The following SLC2A1 variants were observed in gnomAD, a reference collection of about 807,000 sequenced individuals.
The protein encoded by SLC2A1 is solute carrier family 2 member 1, also known as solute carrier family 2, facilitated glucose transporter member 1.
Under a neutral mutation model 46.6 loss-of-function variants are expected in SLC2A1, and 4 were observed. That is an observed-to-expected ratio of 0.09 (90% confidence interval 0.04 to 0.20). The LOEUF (loss-of-function observed/expected upper bound fraction) is 0.20, where lower values mean the gene tolerates loss of function less well. Among genes scored for constraint, SLC2A1 ranks in the 10% least tolerant of loss-of-function variants. The pLI is 1.00. For missense variants in SLC2A1, 352 were observed against 667.0 expected, an observed-to-expected ratio of 0.53 and a Z score of 5.20; for synonymous variants, 253 against 270.0, an observed-to-expected ratio of 0.94 and a Z score of 0.62.
chr1:42,930,967 A>G lies in SLC2A1; in HGVS notation c.275+79T>C. 2.3e-5 allele frequency: 37 copies of G among 1,607,164 alleles called. No individual in the cohort carries two copies. The highest frequency in any genetic ancestry group is 3.1e-5 in the Non-Finnish European group (37 of 1,176,990). ...TGGAACAGGCAGATAAGTCTCCCCT[A>G]CCTCCCACCCCATCTGGGACTCCCT... On this transcript the variant is annotated intron_variant, in intron 3 of 9. Transcript: ENST00000426263. The surrounding 1 kb of genome is among the most constrained non-coding windows in gnomAD (Gnocchi z 6.2).
chr1:42,927,144 G>A lies in SLC2A1; in HGVS notation c.1376C>T (p.Thr459Ile). Residue 459 changes from threonine to isoleucine, a missense_variant, in exon 10 of 10, where the codon ACC (threonine) becomes ATC (isoleucine). Thr to Ile is a moderately conservative substitution (Grantham distance 89, BLOSUM62 -1). Around this residue, in one of 5 missense-constraint regions of SLC2A1, gnomAD observed 41 missense variants for 49.1 expected, o/e 0.83. Transcript: ENST00000426263. The surrounding 1 kb of genome is among the most constrained non-coding windows in gnomAD (Gnocchi z 5.3). ...YFKVPETKGR[T>I]FDEIASGFRQ... ...GAAGCCGGAAGCGATCTCATCGAAGGTCCGGCCTTTAGTCTCAGGAACTTT... is the reference window on the plus strand; with the variant it reads ...GAAGCCGGAAGCGATCTCATCGAAGATCCGGCCTTTAGTCTCAGGAACTTT... The A allele has an allele frequency of 6.2e-7, 1 of 1,614,178 alleles. No homozygotes were observed. Among genetic ancestry groups the A allele is most frequent in the Non-Finnish European group, 8.5e-7 (1 of 1,180,040 alleles).
intron 2 of SLC2A1, among the ~76,000 whole-genome samples, chr1:42,934,243 C>G (rs1643520617): frequency 6.6e-6 from 1 of 152,188 alleles, no homozygotes. Flanking sequence ...TTGTCCAGGG[C>G]TGGCTCCTGG....
At position 42,930,182 on chromosome 1, in the gene SLC2A1, TTC is replaced by T; in HGVS notation, c.517-149_517-148del. 1 of 881,484 alleles carries T rather than the reference TTC, an allele frequency of 1.1e-6. No individual in the cohort carries two copies. Among genetic ancestry groups the T allele is most frequent in the Non-Finnish European group, 1.8e-6 (1 of 550,986 alleles). The allele number at this position is 881,484 out of a possible 1,614,324, so 54.6% of individuals were successfully genotyped here. A position where few individuals can be genotyped will look rare whatever the true frequency, so the allele number is the denominator to read the frequency against. On this transcript the variant is annotated intron_variant, in intron 4 of 9. Transcript: ENST00000426263. This position sits in a 1 kb window ranked among gnomAD's most constrained non-coding sequence, Gnocchi z 6.2. ...GCTCTGCCACTAGCATGAGCCCTGT[TTC>T]TCAGTTTCCTCATCGGTCACATGGG...
At chr1:42,934,401 T>A (rs924440523) in intron 2 of SLC2A1, among the ~76,000 whole-genome samples, 13 of 152,136 alleles carry the variant, frequency 8.5e-5, no homozygotes, top group Non-Finnish European at 1.0e-4. Context: ...GGGGAGTGGG[T>A]TTCTGCCTCT....
intron 1 of SLC2A1, among the ~76,000 whole-genome samples, chr1:42,948,474 G>A (rs1180031718): frequency 1.3e-5 from 2 of 152,192 alleles, no homozygotes; most frequent in Non-Finnish European, 2.9e-5. Flanking sequence ...TCCCACATGG[G>A]TTCCCCAGGT....
rs147319894 is a variant in SLC2A1 at position 42,931,063 on chromosome 1, G to A, written c.258C>T (p.Phe86=). 193 of 1,614,012 alleles carry A rather than the reference G, an allele frequency of 1.2e-4. No homozygotes were observed. Among genetic ancestry groups the A allele is most frequent in the South Asian group, 2.5e-4 (23 of 91,084 alleles). ...CTACTTACCGGCCAAAGCGGTTAAC[G>A]AAAAGGCCCACAGAGAAGGAGCCAA... is the stretch of plus-strand genomic sequence containing the variant. ...GMIGSFSVGL[F]VNRFGRRNSM... Residue 86 remains phenylalanine (F), a synonymous_variant, in exon 3 of 10, where the codon TTC becomes TTT. Transcript: ENST00000426263.
intron 1 of SLC2A1, among the ~76,000 whole-genome samples, chr1:42,955,444 A>T (rs1270893003): frequency 2.0e-5 from 3 of 152,182 alleles, no homozygotes; most frequent in African/African-American, 7.2e-5. Context: ...CCCTGTCTCT[A>T]CCAAAAATAC....
chr1:42,927,287 C>T lies in SLC2A1; in HGVS notation c.1279-46G>A. 5.1e-6 allele frequency: 8 copies of T among 1,575,944 alleles called. No homozygotes were observed. Among genetic ancestry groups the T allele is most frequent in the Non-Finnish European group, 7.0e-6 (8 of 1,146,424 alleles). On this transcript the variant is annotated intron_variant, in intron 9 of 9. Transcript: ENST00000426263. This position sits in a 1 kb window ranked among gnomAD's most constrained non-coding sequence, Gnocchi z 5.3. ...CTTGGTTGGAGTCATGACCCTACAT[C>T]CTGGCTGTAGGACTTTGGATAAGTC... is the stretch of plus-strand genomic sequence containing the variant.
chr1:42,938,441 G>C (rs1056949245), intron 2 of SLC2A1, among the ~76,000 whole-genome samples: 1 of 152,206 alleles, frequency 6.6e-6, no homozygotes, highest in Non-Finnish European at 1.5e-5. Flanking sequence ...TAGAGTTGCT[G>C]TGAGGTGGTA....
chr1:42,957,038 T>C lies in SLC2A1; in HGVS notation c.18+1596A>G, dbSNP rs1040405818. 2.0e-5 allele frequency among the ~76,000 whole-genome samples: 3 copies of C among 152,320 alleles called. No homozygotes were observed. The East Asian group carries it at 5.8e-4, about 29-fold the overall frequency. On this transcript the variant is annotated intron_variant, in intron 1 of 9. Transcript: ENST00000426263. ...TCTGTCTCCACGTAGTATTCCCTTATCCACTCAACAAATAAATACCCATGT... is the reference window on the plus strand; with the variant it reads ...TCTGTCTCCACGTAGTATTCCCTTACCCACTCAACAAATAAATACCCATGT...
chr1:42,957,297 C>A (rs534201815), intron 1 of SLC2A1, among the ~76,000 whole-genome samples: 93 of 152,332 alleles, frequency 6.1e-4, no homozygotes, highest in Admixed American at 1.0e-3. Flanking sequence ...TCCCCGGGGT[C>A]TCACCTCAAG....
rs1444410314 is a variant in SLC2A1, at chr1:42,925,424, CTGT to C, written c.*1614_*1616del. ...TCCTCCAGTATTTTCTGAGTGCCTG[CTGT>C]GCATCAAGCACTGTACTGAATAGTG... is the stretch of plus-strand genomic sequence containing the variant. On this transcript the variant is annotated 3_prime_UTR_variant, in exon 10 of 10. Transcript: ENST00000426263. The C allele has an allele frequency of 2.0e-5, 3 of 152,220 alleles. No individual in the cohort carries two copies. The allele number at this position is 152,220 out of a possible 1,614,324, so 9.4% of individuals were successfully genotyped here.
Position 42,929,119 on chromosome 1 carries a change from A to G in SLC2A1, c.973-86T>C, listed in dbSNP as rs1383098591. 1.3e-6 allele frequency: 2 copies of G among 1,562,614 alleles called. No individual in the cohort carries two copies. The highest frequency in any genetic ancestry group is 1.8e-6 in the Non-Finnish European group (2 of 1,133,942). On this transcript the variant is annotated intron_variant, in intron 7 of 9. Transcript: ENST00000426263. The surrounding 1 kb of genome is among the most constrained non-coding windows in gnomAD (Gnocchi z 6.0). The stretch of plus-strand genomic sequence containing the variant: ...CAGAGGCCTTGCCTCAAGAGCTGAG[A>G]AAGTCACAGGGCACTGCAAAGACCA...
Position 42,929,283 on chromosome 1 carries a change from T to G in SLC2A1, c.899A>C (p.Lys300Thr), listed in dbSNP as rs764743728. 1.2e-6 allele frequency: 2 copies of G among 1,613,546 alleles called. No homozygotes were observed. Among genetic ancestry groups the G allele is most frequent in the Non-Finnish European group, 1.7e-6 (2 of 1,179,778 alleles). ...ATACACAGGCTGCTGCACCCCCGCC[T>G]TCTCGAAGATGCTCGTGGAGTAATA... is the stretch of plus-strand genomic sequence containing the variant. ...VFYYSTSIFE[K>T]AGVQQPVYAT... Residue 300 changes from lysine (K) to threonine (T), a missense_variant, in exon 7 of 10, where the codon AAG becomes ACG. Physicochemically the swap from Lys to Thr is moderately conservative, Grantham distance 78 (BLOSUM62 -1). This residue lies in a region of SLC2A1 where 167 missense variants were observed against 280.8 expected (regional missense o/e 0.59). Transcript: ENST00000426263. This position sits in a 1 kb window ranked among gnomAD's most constrained non-coding sequence, Gnocchi z 6.0.
At chr1:42,948,732 C>T (rs1309909676) in intron 1 of SLC2A1, among the ~76,000 whole-genome samples, 3 of 152,028 alleles carry the variant, frequency 2.0e-5, no homozygotes, top group African/African-American at 7.3e-5. Flanking sequence ...AGTTCCAGAC[C>T]AGCTTGGCCA....
At chr1:42,944,072 T>A (rs912580520) in intron 1 of SLC2A1, among the ~76,000 whole-genome samples, 2 of 152,072 alleles carry the variant, frequency 1.3e-5, no homozygotes, top group African/African-American at 4.8e-5. Flanking sequence ...ACCATAAGCC[T>A]CCCAAGGTTA....
chr1:42,935,002 C>T (rs1643528021), intron 2 of SLC2A1, among the ~76,000 whole-genome samples: 1 of 152,136 alleles, frequency 6.6e-6, no homozygotes, highest in Non-Finnish European at 1.5e-5. Flanking sequence ...CCAAATGTGC[C>T]AGGCTCGGCC....
At position 42,930,904 on chromosome 1, in the gene SLC2A1, T is replaced by C. The variant is rs1171598441; in HGVS notation, c.276-38A>G. 1 of 1,602,862 alleles carries C rather than the reference T, an allele frequency of 6.2e-7. No individual in the cohort carries two copies. The highest frequency in any genetic ancestry group is 2.2e-5 in the East Asian group (1 of 44,882). On this transcript the variant is annotated intron_variant, in intron 3 of 9. Transcript: ENST00000426263. This position sits in a 1 kb window ranked among gnomAD's most constrained non-coding sequence, Gnocchi z 6.2. ...TCACAGGTCAGGCCAGTGCCCACAT[T>C]CCTTGGGCTCCGAGGGGCTGGGTCA...
rs1643432974 is a variant in SLC2A1, at chr1:42,926,968, C to T, written c.*73G>A. On this transcript the variant is annotated 3_prime_UTR_variant, in exon 10 of 10. Coordinates refer to ENST00000426263, the MANE Select transcript of SLC2A1 (RefSeq NM_006516.4). ...TGACATCTGTCAGGTTTGGAAGTCT[C>T]ATCCAGCTGCCTGTGCTCCTGAGAG... 4.4e-6 allele frequency: 7 copies of T among 1,578,468 alleles called. No individual in the cohort carries two copies. Among genetic ancestry groups the T allele is most frequent in the Non-Finnish European group, 2.6e-6 (3 of 1,160,606 alleles).
Sources: gnomAD v4.1 joint callset for allele counts (sites outside exome capture counted in the v4.1 genomes callset) on GRCh38, gnomAD v4.1.1 for gene constraint, gnomAD v4.1.1 regional missense constraint, Gnocchi (gnomAD v3.1) non-coding constraint, MANE v1.5 for transcripts, NCBI Gene and HGNC (gene_info 2026-07-23, HGNC 2026-07-21) for gene names.